The following UBE2E2 variants were observed in gnomAD, a reference collection of about 807,000 sequenced individuals.
UBE2E2 encodes the protein ubiquitin conjugating enzyme E2 E2.
In UBE2E2, 6 loss-of-function variants were observed where a neutral mutation model predicts 24.7. That is an observed-to-expected ratio of 0.24 (90% CI 0.13 to 0.48). The LOEUF (loss-of-function observed/expected upper bound fraction) is 0.48, where lower values mean the gene tolerates loss of function less well. UBE2E2 is among the 20% of genes least tolerant of loss of function. UBE2E2 has a pLI of 0.99. For synonymous variants in UBE2E2, 104 were observed against 83.6 expected, an observed-to-expected ratio of 1.24 and a Z score of -1.33; for missense variants, 169 against 245.0, an observed-to-expected ratio of 0.69 and a Z score of 2.07.
intron 3 of UBE2E2, among the ~76,000 whole-genome samples, chr3:23,287,879 AAC>A (rs1476422088): frequency 5.9e-5 from 9 of 151,702 alleles, no homozygotes; most frequent in Middle Eastern, 3.4e-3. Context: ...CTTTTCTAAA[AAC>A]ACACAGTTTT....
intron 5 of UBE2E2, among the ~76,000 whole-genome samples, chr3:23,564,723 C>T (rs1203775254): frequency 1.3e-5 from 2 of 152,196 alleles, no homozygotes; most frequent in Non-Finnish European, 2.9e-5. Context: ...GTGCTTTCCA[C>T]CTGTTACTGG....
Position 23,590,068 on chromosome 3 carries a change from A to G in UBE2E2, c.*237A>G. On this transcript the variant is annotated 3_prime_UTR_variant, in exon 6 of 6. Transcript: ENST00000396703. Reference sequence around the variant, plus strand: ...CCCTTGTTGATTTCTGTTAACTTGAAAGATTTGGGATTTTTTCCCACCTCA... The same window carrying G: ...CCCTTGTTGATTTCTGTTAACTTGAGAGATTTGGGATTTTTTCCCACCTCA... 2.3e-6 allele frequency: 1 copy of G among 429,872 alleles called. No homozygotes were observed. The highest frequency in any genetic ancestry group is 6.1e-4 in the Middle Eastern group (1 of 1,648). The allele number at this position is 429,872 out of a possible 1,614,324, so 26.6% of individuals were successfully genotyped here.
chr3:23,203,104 A>G, upstream of UBE2E2: 1 of 974,980 alleles, frequency 1.0e-6, no homozygotes, highest in Non-Finnish European at 1.2e-6. Context: ...AGGCACGCGC[A>G]CTCGCGGGTG....
At chr3:23,270,945 A>G in intron 3 of UBE2E2, 1 of 456,770 alleles carries the variant, frequency 2.2e-6, no homozygotes, top group Non-Finnish European at 4.4e-6. Flanking sequence ...TCCATTTGTT[A>G]ACAGGCTGTT....
At chr3:23,321,583 C>T (rs1694738485) in intron 3 of UBE2E2, among the ~76,000 whole-genome samples, 1 of 150,342 alleles carries the variant, frequency 6.7e-6, no homozygotes, top group East Asian at 2.0e-4. Context: ...GAGATGAGAG[C>T]TGCTACTCAA....
chr3:23,292,666 G>A (rs748697205), intron 3 of UBE2E2, among the ~76,000 whole-genome samples: 1 of 152,228 alleles, frequency 6.6e-6, no homozygotes, highest in Non-Finnish European at 1.5e-5. Flanking sequence ...TAGCCTAGTG[G>A]TGAAGAGCTT....
chr3:23,575,961 T>A (rs1696337260), intron 5 of UBE2E2, among the ~76,000 whole-genome samples: 1 of 152,142 alleles, frequency 6.6e-6, no homozygotes, highest in African/African-American at 2.4e-5. Flanking sequence ...TACGGTACAT[T>A]GTTACAGAAG....
At chr3:23,445,146 A>G (rs1575634518) in intron 3 of UBE2E2, among the ~76,000 whole-genome samples, 1 of 152,190 alleles carries the variant, frequency 6.6e-6, no homozygotes, top group Admixed American at 6.5e-5. Flanking sequence ...GAGAGGAAGC[A>G]CCTTGGCCAC....
In UBE2E2 at chr3:23,355,105, C is replaced by T. The variant is rs1283194935; in HGVS notation, c.227+137793C>T. ...GGACATGGATGAAATTGGAAATCAT[C>T]ATTCTCAGTAAACTATCACAAGGAC... is the stretch of plus-strand genomic sequence containing the variant. On this transcript the variant is annotated intron_variant, in intron 3 of 5. Transcript: ENST00000396703. Among the ~76,000 whole-genome samples the T allele has an allele frequency of 4.0e-5, 6 of 151,760 alleles. 1 individual carries two copies. Among genetic ancestry groups the T allele is most frequent in the Admixed American group, 2.6e-4 (4 of 15,220 alleles).
rs115199152 is a variant in UBE2E2 at position 23,248,341 on chromosome 3, A to T, written c.227+31029A>T. Among the ~76,000 whole-genome samples the T allele has an allele frequency of 7.7e-3, 1,178 of 152,336 alleles. 12 individuals carry two copies. The highest frequency in any genetic ancestry group is 0.021 in the African/African-American group (868 of 41,586). ...TATGTAGGAGAGGAATTTCTCTGTC[A>T]TTTCCCTGAGACTGCACCTTAATTC... On this transcript the variant is annotated intron_variant, in intron 3 of 5. Coordinates refer to ENST00000396703, the MANE Select transcript of UBE2E2 (RefSeq NM_152653.4).
At chr3:23,521,602 T>C (rs115751559) in intron 4 of UBE2E2, among the ~76,000 whole-genome samples, 5 of 152,310 alleles carry the variant, frequency 3.3e-5, no homozygotes, top group African/African-American at 1.2e-4. Context: ...AGTACCTGAC[T>C]GGGGGAGACT....
intron 3 of UBE2E2, chr3:23,389,625 G>A (rs956247044): frequency 2.6e-5 from 7 of 265,656 alleles, no homozygotes; most frequent in African/African-American, 1.3e-4. Flanking sequence ...ATCCTGGGGG[G>A]CTTTTGTCTT....
chr3:23,538,408 A>G (rs550786176), intron 5 of UBE2E2, among the ~76,000 whole-genome samples: 2 of 152,312 alleles, frequency 1.3e-5, no homozygotes, highest in East Asian at 1.9e-4. Context: ...AAGGAAAGCT[A>G]TGGTTATAGA....
chr3:23,396,177 G>A (rs1200309979), intron 3 of UBE2E2, among the ~76,000 whole-genome samples: 2 of 151,090 alleles, frequency 1.3e-5, no homozygotes, highest in Non-Finnish European at 3.0e-5. Context: ...GTATATGGCA[G>A]AACTTAATTT....
intron 5 of UBE2E2, among the ~76,000 whole-genome samples, chr3:23,555,805 G>A (rs1401278203): frequency 6.6e-6 from 1 of 152,078 alleles, no homozygotes; most frequent in African/African-American, 2.4e-5. Context: ...ATTTATATGT[G>A]GAATTTTTCT....
chr3:23,582,931 A>C (rs1696522017), intron 5 of UBE2E2, among the ~76,000 whole-genome samples: 1 of 149,324 alleles, frequency 6.7e-6, no homozygotes, highest in African/African-American at 2.5e-5. Context: ...TCTTTCATTT[A>C]ATTAGATCCC....
At chr3:23,288,918 G>A (rs1698689029) in intron 3 of UBE2E2, among the ~76,000 whole-genome samples, 1 of 152,282 alleles carries the variant, frequency 6.6e-6, no homozygotes, top group South Asian at 2.1e-4. Context: ...TTCACACCAC[G>A]TGGCTGCTGC....
chr3:23,289,342 C>G (rs189593784), intron 3 of UBE2E2, among the ~76,000 whole-genome samples: 8 of 152,294 alleles, frequency 5.3e-5, no homozygotes, highest in African/African-American at 1.7e-4. Flanking sequence ...ATCTTTTATA[C>G]TTTAAAGTTG....
At chr3:23,299,637 T>A (rs1181241274) in intron 3 of UBE2E2, among the ~76,000 whole-genome samples, 3 of 152,252 alleles carry the variant, frequency 2.0e-5, no homozygotes, top group Non-Finnish European at 4.4e-5. Flanking sequence ...GATTGCACTG[T>A]GGTCTGAGAG....
Sources: gnomAD v4.1 joint callset for allele counts (sites outside exome capture counted in the v4.1 genomes callset) on GRCh38, gnomAD v4.1.1 for gene constraint, MANE v1.5 for transcripts, NCBI Gene and HGNC (gene_info 2026-07-23, HGNC 2026-07-21) for gene names.